The following TTLL11 variants were observed in gnomAD, a reference collection of about 807,000 sequenced individuals.
The protein encoded by TTLL11 is tubulin polyglutamylase TTLL11.
TTLL11 carries 42 observed loss-of-function variants against 51.7 expected under a neutral mutation model. That is an observed-to-expected ratio of 0.81 (90% CI 0.64 to 1.05). The LOEUF is 1.05. TTLL11 is among the 50% of genes least tolerant of loss of function. TTLL11 has a pLI of 0.00. For synonymous variants in TTLL11, 381 were observed against 383.5 expected, an observed-to-expected ratio of 0.99 and a Z score of 0.08; for missense variants, 799 against 940.4, an observed-to-expected ratio of 0.85 and a Z score of 1.97.
chr9:122,010,725 C>T (rs565258280), intron 3 of TTLL11, among the ~76,000 whole-genome samples: 1 of 152,218 alleles, frequency 6.6e-6, no homozygotes, highest in Non-Finnish European at 1.5e-5. Flanking sequence ...TTCCATATCA[C>T]ATCTGTTTAC....
At chr9:122,015,566 T>C (rs1368091058) in intron 3 of TTLL11, among the ~76,000 whole-genome samples, 1 of 152,058 alleles carries the variant, frequency 6.6e-6, no homozygotes, top group Non-Finnish European at 1.5e-5. Context: ...GACACTGCAT[T>C]CTCCATGTTA....
intron 1 of TTLL11, among the ~76,000 whole-genome samples, chr9:122,075,652 G>C (rs1399282885): frequency 4.6e-5 from 7 of 152,152 alleles, no homozygotes; most frequent in African/African-American, 1.7e-4. Flanking sequence ...ATAAAGTTTA[G>C]TAATTTCTAA....
intron 6 of TTLL11, among the ~76,000 whole-genome samples, chr9:121,929,548 G>T (rs1840888332): frequency 6.6e-6 from 1 of 152,212 alleles, no homozygotes; most frequent in African/African-American, 2.4e-5. Flanking sequence ...GGGTGGCCAT[G>T]ACATTAAAAT....
chr9:122,029,559 A>C (rs1262055985), intron 3 of TTLL11, among the ~76,000 whole-genome samples: 1 of 152,228 alleles, frequency 6.6e-6, no homozygotes, highest in Non-Finnish European at 1.5e-5. Flanking sequence ...AGGGAATAAG[A>C]ATATAAGGAA....
At chr9:121,969,071 T>C (rs772747006) in intron 6 of TTLL11, among the ~76,000 whole-genome samples, 10 of 152,148 alleles carry the variant, frequency 6.6e-5, no homozygotes, top group Non-Finnish European at 1.2e-4. Context: ...GGTTTCACCA[T>C]GTTGGCCAGG....
At chr9:122,078,815 G>C (rs1056657637) in intron 1 of TTLL11, among the ~76,000 whole-genome samples, 3 of 151,226 alleles carry the variant, frequency 2.0e-5, no homozygotes, top group African/African-American at 7.3e-5. Flanking sequence ...CACCCACCAA[G>C]ACATAATGCA....
chr9:121,874,355 T>G (rs1045044372), intron 6 of TTLL11, among the ~76,000 whole-genome samples: 8 of 152,206 alleles, frequency 5.3e-5, no homozygotes, highest in Non-Finnish European at 1.2e-4. Context: ...ACAAATCCTA[T>G]GTGGAATTAT....
rs1846301110 is a variant in TTLL11, at chr9:122,092,846, C to A, written c.303G>T (p.Pro101=). ...GGCCCTTGTCCCGGGGCTTCCCGTG[C>A]GGGCAGAGGCCCTGCACCGGCTTCG... is the stretch of plus-strand genomic sequence containing the variant. The part of the protein sequence containing the change: ...SKPKPVQGLC[P]HGKPRDKGRS... Residue 101 remains proline, a synonymous_variant, in exon 1 of 9, where the codon CCG becomes CCT. Coordinates refer to ENST00000321582, the MANE Select transcript of TTLL11 (RefSeq NM_001139442.2). 1.3e-6 allele frequency: 2 copies of A among 1,565,702 alleles called. No homozygotes were observed. Among genetic ancestry groups the A allele is most frequent in the African/African-American group, 1.3e-5 (1 of 74,158 alleles).
chr9:121,994,604 G>C (rs147825966), intron 3 of TTLL11, among the ~76,000 whole-genome samples: 42 of 152,290 alleles, frequency 2.8e-4, no homozygotes, highest in African/African-American at 9.6e-4. Context: ...GCCCATGCCA[G>C]AATGAATGAG....
chr9:121,846,499 G>T (rs1320371736), intron 8 of TTLL11, among the ~76,000 whole-genome samples: 1 of 152,020 alleles, frequency 6.6e-6, no homozygotes, highest in Non-Finnish European at 1.5e-5. Flanking sequence ...CAGTTCAAAT[G>T]AAATATTCAC....
intron 8 of TTLL11, among the ~76,000 whole-genome samples, chr9:121,843,583 G>T (rs1163951059): frequency 6.6e-6 from 1 of 152,142 alleles, no homozygotes; most frequent in Non-Finnish European, 1.5e-5. Flanking sequence ...AAGGGGTGGG[G>T]GAGGTAACCA....
At chr9:122,006,043 A>G (rs1442706877) in intron 3 of TTLL11, among the ~76,000 whole-genome samples, 1 of 152,222 alleles carries the variant, frequency 6.6e-6, no homozygotes, top group Admixed American at 6.5e-5. Context: ...AGAATATAAG[A>G]ATCATGTAAA....
chr9:122,092,349 G>A (rs545154768), intron 1 of TTLL11, among the ~76,000 whole-genome samples: 20 of 152,256 alleles, frequency 1.3e-4, no homozygotes, highest in African/African-American at 4.3e-4. Context: ...GCGGGTCCGG[G>A]GCCCCAGGGG....
At chr9:121,971,855 C>T (rs868539765) in intron 6 of TTLL11, among the ~76,000 whole-genome samples, 43 of 151,650 alleles carry the variant, frequency 2.8e-4, no homozygotes, top group Non-Finnish European at 5.2e-4. Flanking sequence ...AGCTGGAAAC[C>T]GTCATTCTTA....
intron 1 of TTLL11, among the ~76,000 whole-genome samples, chr9:122,043,805 A>G (rs1283371682): frequency 6.6e-6 from 1 of 152,096 alleles, no homozygotes; most frequent in African/African-American, 2.4e-5. Context: ...GCAAAATCAT[A>G]TATTTGATAA....
At chr9:121,902,730 C>T (rs1170327725) in intron 6 of TTLL11, among the ~76,000 whole-genome samples, 2 of 152,018 alleles carry the variant, frequency 1.3e-5, no homozygotes, top group Non-Finnish European at 2.9e-5. Context: ...TGCTTCTTTT[C>T]TGACGCAGAT....
chr9:121,970,160 T>G (rs1842511862), intron 6 of TTLL11, among the ~76,000 whole-genome samples: 2 of 152,222 alleles, frequency 1.3e-5, no homozygotes, highest in Non-Finnish European at 2.9e-5. Context: ...CTGTTCCTGG[T>G]TATCAATAAA....
chr9:122,057,322 CTT>C (rs58226814), intron 1 of TTLL11, among the ~76,000 whole-genome samples: 34,462 of 127,686 alleles, frequency 0.27, 5,071 homozygotes, highest in African/African-American at 0.43. Flanking sequence ...AGCTCAAATC[CTT>C]TTTTTTTTTT....
At chr9:121,827,068 T>G (rs115807869) in intron 8 of TTLL11, among the ~76,000 whole-genome samples, 6 of 152,200 alleles carry the variant, frequency 3.9e-5, no homozygotes, top group Non-Finnish European at 8.8e-5. Flanking sequence ...CCGAGTCCCA[T>G]GGGTTTGGAC....
Sources: allele counts gnomAD v4.1 joint callset (sites outside exome capture counted in the v4.1 genomes callset), GRCh38; gene constraint gnomAD v4.1.1; transcripts MANE v1.5; gene names NCBI Gene and HGNC (gene_info 2026-07-23, HGNC 2026-07-21).